LPIN2: variants seen among roughly 807,000 people sequenced by gnomAD.
LPIN2 encodes the protein phosphatidate phosphatase LPIN2.
Under a neutral mutation model 111.4 loss-of-function variants are expected in LPIN2, and 55 were observed. That is an observed-to-expected ratio of 0.49 (90% CI 0.40 to 0.62). The LOEUF is 0.62. LPIN2 is among the 20% of genes least tolerant of loss of function. LPIN2 has a pLI of 0.00. For missense variants in LPIN2, 992 were observed against 1,112.1 expected, an observed-to-expected ratio of 0.89 and a Z score of 1.54; for synonymous variants, 425 against 414.0, an observed-to-expected ratio of 1.03 and a Z score of -0.32.
intron 1 of LPIN2, among the ~76,000 whole-genome samples, chr18:2,970,345 A>T (rs1355449058): frequency 6.6e-6 from 1 of 152,218 alleles, no homozygotes; most frequent in African/African-American, 2.4e-5. Context: ...CTGCTGGCTG[A>T]CAGGGGTGGG....
chr18:3,007,148 T>C (rs538437096), intron 1 of LPIN2, among the ~76,000 whole-genome samples: 37 of 152,280 alleles, frequency 2.4e-4, no homozygotes, highest in African/African-American at 8.9e-4. Context: ...AATAGGTACC[T>C]ATTATATTTA....
chr18:2,929,046 T>A lies in LPIN2; in HGVS notation c.1550+19A>T, dbSNP rs752290776. On this transcript the variant is annotated intron_variant, in intron 10 of 19. Coordinates refer to ENST00000677752, the MANE Select transcript of LPIN2 (RefSeq NM_001375808.2). ...AAACTGCAAGAGTATTTAACAATTA[T>A]AAAAGCAGGAGTATTTACCGATTAT... 3 of 1,443,326 alleles carry A rather than the reference T, an allele frequency of 2.1e-6. No homozygotes were observed. The South Asian group carries it at 3.4e-5, about 17-fold the overall frequency. 89.4% of individuals were successfully genotyped at this position (1,443,326 alleles called of 1,614,324 possible). A position where few individuals can be genotyped will look rare whatever the true frequency, so the allele number is the denominator to read the frequency against.
intron 1 of LPIN2, among the ~76,000 whole-genome samples, chr18:2,972,944 G>A (rs908682609): frequency 6.6e-6 from 1 of 152,050 alleles, no homozygotes; most frequent in African/African-American, 2.4e-5. Flanking sequence ...GCTGTTACAG[G>A]GAACATTTAA....
intron 2 of LPIN2, among the ~76,000 whole-genome samples, chr18:2,955,157 T>A (rs879854919): frequency 7.9e-5 from 12 of 152,126 alleles, no homozygotes; most frequent in Non-Finnish European, 1.6e-4. Flanking sequence ...CAAAAAAAAA[T>A]TCAGGTAGAC....
At chr18:2,986,547 T>TGGA (rs10692682) in intron 1 of LPIN2, among the ~76,000 whole-genome samples, 173 of 135,060 alleles carry the variant, frequency 1.3e-3, no homozygotes, top group African/African-American at 4.5e-3. Flanking sequence ...TTTTTTAATG[T>TGGA]AAAAAAAAAA....
In LPIN2 at chr18:2,960,750, T is replaced by G; in HGVS notation, c.91A>C (p.Ile31Leu). ...TGCTGCTGTACCACGATGACATCAA[T>G]GCACCCAGAGAGGGTGGCCTGGTTA... ...GINQATLSGC[I>L]DVIVVQQQDG... Residue 31 changes from isoleucine (I) to leucine (L), a missense_variant, in exon 2 of 20, where the codon ATT becomes CTT. Ile to Leu is a conservative substitution (Grantham distance 5). Transcript: ENST00000677752. The G allele has an allele frequency of 6.2e-7, 1 of 1,614,126 alleles. No homozygotes were observed. The highest frequency in any genetic ancestry group is 1.1e-5 in the South Asian group (1 of 91,078).
At chr18:2,982,638 G>A in intron 1 of LPIN2, 7 of 1,089,636 alleles carry the variant, frequency 6.4e-6, no homozygotes, top group Non-Finnish European at 8.8e-6. Flanking sequence ...AGCAGCGAAG[G>A]GAGCAGGGAC....
chr18:2,984,176 T>G (rs2078153396), intron 1 of LPIN2, among the ~76,000 whole-genome samples: 1 of 152,144 alleles, frequency 6.6e-6, no homozygotes, highest in Non-Finnish European at 1.5e-5. Context: ...ATAAAAACAT[T>G]AAGTGGCAGA....
intron 1 of LPIN2, among the ~76,000 whole-genome samples, chr18:2,988,077 C>A (rs2078213540): frequency 7.1e-6 from 1 of 139,928 alleles, no homozygotes; most frequent in Admixed American, 7.2e-5. Flanking sequence ...AGATGGGTAA[C>A]AGTATAAATT....
intron 1 of LPIN2, among the ~76,000 whole-genome samples, chr18:2,977,696 T>G (rs995383538): frequency 3.3e-5 from 5 of 152,208 alleles, no homozygotes; most frequent in Non-Finnish European, 7.3e-5. Flanking sequence ...ACAGGATTAC[T>G]AGATTACAAT....
At chr18:2,931,158 G>C (rs941581959) in intron 9 of LPIN2, 98 bp downstream of exon 9, 9 of 1,359,514 alleles carry the variant, frequency 6.6e-6, no homozygotes, top group Non-Finnish European at 9.2e-6. Context: ...GATCCCTAAA[G>C]AATGTAAATA....
chr18:2,952,746 G>A (rs1598561499), intron 3 of LPIN2, among the ~76,000 whole-genome samples: 1 of 152,086 alleles, frequency 6.6e-6, no homozygotes, highest in Non-Finnish European at 1.5e-5. Context: ...TTTTGTTTCT[G>A]GTGGTATTTC....
At chr18:2,988,747 A>G (rs2078221677) in intron 1 of LPIN2, among the ~76,000 whole-genome samples, 1 of 152,252 alleles carries the variant, frequency 6.6e-6, no homozygotes, top group Non-Finnish European at 1.5e-5. Flanking sequence ...AAAAGCAAAG[A>G]GGCATCTGAA....
chr18:2,934,722 T>G (rs1334127783), intron 7 of LPIN2, among the ~76,000 whole-genome samples: 1 of 152,210 alleles, frequency 6.6e-6, no homozygotes, highest in Non-Finnish European at 1.5e-5. Context: ...TAATTTATAT[T>G]TTAATGGTGA....
At chr18:3,012,285 C>T (rs1370297153) in intron 1 of LPIN2, among the ~76,000 whole-genome samples, 1 of 152,154 alleles carries the variant, frequency 6.6e-6, no homozygotes, top group African/African-American at 2.4e-5. Flanking sequence ...AGTTCCAGTA[C>T]TTTTCGGAAA....
intron 7 of LPIN2, among the ~76,000 whole-genome samples, chr18:2,936,754 A>G (rs1333821138): frequency 6.6e-6 from 1 of 151,826 alleles, no homozygotes; most frequent in Non-Finnish European, 1.5e-5. Context: ...TCAGTTTTTT[A>G]TGTTTGATAG....
chr18:2,969,023 TA>T (rs1458357176), intron 1 of LPIN2, among the ~76,000 whole-genome samples: 1 of 152,058 alleles, frequency 6.6e-6, no homozygotes, highest in Non-Finnish European at 1.5e-5. Flanking sequence ...GATATGGAAA[TA>T]AAAAGAGTAG....
At chr18:2,924,160 CAAA>C (rs1403597184) in intron 15 of LPIN2, among the ~76,000 whole-genome samples, 3 of 152,170 alleles carry the variant, frequency 2.0e-5, no homozygotes, top group African/African-American at 7.2e-5. Context: ...GAATTGAAAC[CAAA>C]TAACTAATCT....
At position 2,925,032 on chromosome 18, in the gene LPIN2, C is replaced by T. The variant is rs1243655214; in HGVS notation, c.1938+192G>A. Among the ~76,000 whole-genome samples, 1 of 152,098 alleles carries T rather than the reference C, an allele frequency of 6.6e-6. No individual in the cohort carries two copies. Among genetic ancestry groups the T allele is most frequent in the Non-Finnish European group, 1.5e-5 (1 of 68,016 alleles). On this transcript the variant is annotated intron_variant, in intron 14 of 19. Coordinates refer to ENST00000677752, the MANE Select transcript of LPIN2 (RefSeq NM_001375808.2). The surrounding 1 kb of genome is among the most constrained non-coding windows in gnomAD (Gnocchi z 4.1). ...TCTGGGGTGGGTGGCAGGACCCAAG[C>T]CACAGGTTCCCCAGGTGGGCCTGAT...
Sources: gnomAD v4.1 joint callset for allele counts (sites outside exome capture counted in the v4.1 genomes callset) on GRCh38, gnomAD v4.1.1 for gene constraint, Gnocchi (gnomAD v3.1) non-coding constraint, MANE v1.5 for transcripts, NCBI Gene and HGNC (gene_info 2026-07-23, HGNC 2026-07-21) for gene names.